SIM1: variants seen among roughly 807,000 people sequenced by gnomAD.
SIM1 encodes the protein SIM bHLH transcription factor 1, also known as single-minded homolog 1.
A neutral mutation model predicts 78.2 loss-of-function variants in SIM1; 18 were observed. The observed-to-expected ratio is 0.23, with a 90% confidence interval of 0.16 to 0.34. The LOEUF is 0.34. Ranked by LOEUF, SIM1 falls within the 10% of genes least tolerant of loss-of-function variation. The pLI is 1.00. For synonymous variants in SIM1, 417 were observed against 385.2 expected (o/e 1.08, Z -0.97); for missense variants, 939 against 975.1 (o/e 0.96, Z 0.49).
intron 10 of SIM1, among the ~76,000 whole-genome samples, chr6:100,395,562 C>T (rs1770746441): frequency 6.6e-6 from 1 of 152,200 alleles, no homozygotes; most frequent in South Asian, 2.1e-4. Context: ...AACCAAAATA[C>T]AAGTCCATTT....
chr6:100,439,841 CTG>C (rs1283917620), intron 9 of SIM1, among the ~76,000 whole-genome samples: 2 of 152,108 alleles, frequency 1.3e-5, no homozygotes, highest in South Asian at 2.1e-4. Context: ...TCAATAAATG[CTG>C]TGTTTTCTCC....
At chr6:100,414,597 T>C (rs1304497502) in intron 10 of SIM1, among the ~76,000 whole-genome samples, 1 of 152,202 alleles carries the variant, frequency 6.6e-6, no homozygotes, top group Non-Finnish European at 1.5e-5. Context: ...TATAAGACTT[T>C]CTAGGAAGAT....
Position 100,386,366 on chromosome 6 carries a change from T to C in SIM1, c.*3995A>G, listed in dbSNP as rs961506220. 6 of 152,046 alleles carry C rather than the reference T, an allele frequency of 3.9e-5. No individual in the cohort carries two copies. The highest frequency in any genetic ancestry group is 8.8e-5 in the Non-Finnish European group (6 of 67,924). 9.4% of individuals were successfully genotyped at this position (152,046 alleles called of 1,614,324 possible). A position where few individuals can be genotyped will look rare whatever the true frequency, so the allele number is the denominator to read the frequency against. ...CACTTCTAAATACTACTAGGACTGA[T>C]AGATTGCACTGAATATCTTAGTAAT... On this transcript the variant is annotated 3_prime_UTR_variant, in exon 12 of 12. Transcript: ENST00000369208.
At position 100,393,892 on chromosome 6, in the gene SIM1, G is replaced by GA; in HGVS notation, c.1168-4dup. ...CTTTCTGTGTGAAATCCCGAATACT[G>GA]AAACCGAGTAGGGGAGAAAAGTCCA... On this transcript the variant is annotated splice_region_variant and splice_polypyrimidine_tract_variant and intron_variant, in intron 10 of 11. Transcript: ENST00000369208. The GA allele has an allele frequency of 6.5e-7, 1 of 1,539,020 alleles. No individual in the cohort carries two copies.
In SIM1 at chr6:100,387,160, C is replaced by G. The variant is rs1291159102; in HGVS notation, c.*3201G>C. ...CTATGTATCATCTAATGAATTGATA[C>G]ATATTATACCAGTAATTGGATAGAG... On this transcript the variant is annotated 3_prime_UTR_variant, in exon 12 of 12. Coordinates refer to ENST00000369208, the MANE Select transcript of SIM1 (RefSeq NM_005068.3). 2 of 152,064 alleles carry G rather than the reference C, an allele frequency of 1.3e-5. No individual in the cohort carries two copies. The highest frequency in any genetic ancestry group is 3.9e-4 in the East Asian group (2 of 5,178). The allele number at this position is 152,064 out of a possible 1,614,324, so 9.4% of individuals were successfully genotyped here. A position where few individuals can be genotyped will look rare whatever the true frequency, so the allele number is the denominator to read the frequency against.
chr6:100,463,595 A>G lies in SIM1; in HGVS notation c.-127T>C, dbSNP rs41315244. On this transcript the variant is annotated 5_prime_UTR_variant, in exon 2 of 12. Coordinates refer to ENST00000369208, the MANE Select transcript of SIM1 (RefSeq NM_005068.3). ...AACATACTTTGAATAAAGAGGCTGA[A>G]GTATTTGCACCAAGAACAGTGTATT... The G allele has an allele frequency of 0.044, 38,118 of 866,910 alleles. 1,012 individuals are homozygous for G. The highest frequency in any genetic ancestry group is 0.055 in the Non-Finnish European group (30,557 of 552,496). 53.7% of individuals were successfully genotyped at this position (866,910 alleles called of 1,614,324 possible). A position where few individuals can be genotyped will look rare whatever the true frequency, so the allele number is the denominator to read the frequency against.
chr6:100,420,764 A>C (rs779146070), intron 10 of SIM1, 26 bp downstream of exon 10: 25 of 1,612,252 alleles, frequency 1.6e-5, no homozygotes, highest in Middle Eastern at 1.7e-4. Flanking sequence ...AAAAAAAAGA[A>C]AGTTGCAAAA....
rs1770527194 is a variant in SIM1, at chr6:100,386,969, A to G, written c.*3392T>C. The G allele has an allele frequency of 6.6e-6, 1 of 152,042 alleles. No homozygotes were observed. The highest frequency in any genetic ancestry group is 6.6e-5 in the Admixed American group (1 of 15,256). The allele number at this position is 152,042 out of a possible 1,614,324, so 9.4% of individuals were successfully genotyped here. Reference sequence around the variant, plus strand: ...TACACATCCCAAAATAACACATCAAATCTATATATTCCCAATAACAATTTA... The same window carrying G: ...TACACATCCCAAAATAACACATCAAGTCTATATATTCCCAATAACAATTTA... On this transcript the variant is annotated 3_prime_UTR_variant, in exon 12 of 12. Coordinates refer to ENST00000369208, the MANE Select transcript of SIM1 (RefSeq NM_005068.3).
chr6:100,448,776 C>G, intron 6 of SIM1, 98 bp from the exon 7 acceptor site: 6 of 1,110,228 alleles, frequency 5.4e-6, no homozygotes, highest in African/African-American at 1.5e-5. Context: ...CTGCTTAGCC[C>G]CAAAGCAGTG....
rs17060517 is a variant in SIM1 at position 100,410,351 on chromosome 6, A to G, written c.1167+10439T>C. ...CACAAATTGCAGCATCACTTCCATT[A>G]AGCCAGAAGCAGAGGCTTCCCATTT... On this transcript the variant is annotated intron_variant, in intron 10 of 11. Coordinates refer to ENST00000369208, the MANE Select transcript of SIM1 (RefSeq NM_005068.3). Among the ~76,000 whole-genome samples the G allele has an allele frequency of 6.4e-3, 982 of 152,320 alleles. 14 individuals carry two copies. Among genetic ancestry groups the G allele is most frequent in the African/African-American group, 0.023 (944 of 41,570 alleles).
At chr6:100,439,414 T>C (rs557210466) in intron 9 of SIM1, among the ~76,000 whole-genome samples, 1 of 152,362 alleles carries the variant, frequency 6.6e-6, no homozygotes, top group East Asian at 1.9e-4. Context: ...TAGCAAATGG[T>C]GCAAGTATAC....
At chr6:100,428,557 A>G (rs942436034) in intron 9 of SIM1, among the ~76,000 whole-genome samples, 2 of 152,098 alleles carry the variant, frequency 1.3e-5, no homozygotes, top group Non-Finnish European at 2.9e-5. Flanking sequence ...AAATGAAGAT[A>G]AGGTGAAATG....
chr6:100,453,936 G>T, intron 2 of SIM1, 92 bp from the exon 3 acceptor site: 1 of 899,792 alleles, frequency 1.1e-6, no homozygotes, highest in South Asian at 1.7e-5. Flanking sequence ...CCCGAGTGCC[G>T]GCCCCTTTGA....
At chr6:100,416,808 A>G (rs1452752986) in intron 10 of SIM1, among the ~76,000 whole-genome samples, 1 of 152,148 alleles carries the variant, frequency 6.6e-6, no homozygotes, top group Admixed American at 6.5e-5. Flanking sequence ...GCAACAAAGG[A>G]TAAAACATTC....
intron 9 of SIM1, 90 bp downstream of exon 9, chr6:100,447,175 GAGC>G (rs1772377127): frequency 2.1e-6 from 3 of 1,454,898 alleles, no homozygotes; most frequent in Admixed American, 4.0e-5. Context: ...CCCGTGGCCC[GAGC>G]CTTGTCTAAC....
At chr6:100,417,204 A>G (rs1582625378) in intron 10 of SIM1, among the ~76,000 whole-genome samples, 1 of 152,036 alleles carries the variant, frequency 6.6e-6, no homozygotes, top group Non-Finnish European at 1.5e-5. Context: ...CCTGAGTTCT[A>G]CCCTCGACGC....
intron 9 of SIM1, among the ~76,000 whole-genome samples, chr6:100,439,670 G>T (rs1237196453): frequency 6.6e-6 from 1 of 152,092 alleles, no homozygotes; most frequent in Non-Finnish European, 1.5e-5. Context: ...TCAATGTTTG[G>T]TGTTTTATGC....
chr6:100,437,698 G>C (rs1162324682), intron 9 of SIM1, among the ~76,000 whole-genome samples: 1 of 152,198 alleles, frequency 6.6e-6, no homozygotes, highest in East Asian at 1.9e-4. Flanking sequence ...CATAAATGCT[G>C]ACGTTTCTCC....
At chr6:100,462,658 A>G (rs974660979) in intron 2 of SIM1, 1 of 152,250 alleles carries the variant, frequency 6.6e-6, no homozygotes, top group African/African-American at 2.4e-5. Context: ...CTAGCCTATT[A>G]TCTTACAGAT....
Sources: allele counts gnomAD v4.1 joint callset (sites outside exome capture counted in the v4.1 genomes callset), GRCh38; gene constraint gnomAD v4.1.1; transcripts MANE v1.5; gene names NCBI Gene and HGNC (gene_info 2026-07-23, HGNC 2026-07-21).